PISD: variants seen among roughly 807,000 people sequenced by gnomAD.
PISD encodes the protein phosphatidylserine decarboxylase.
Under a neutral mutation model 43.5 loss-of-function variants are expected in PISD, and 31 were observed. The ratio of observed to expected loss-of-function variants is 0.71; its 90% CI spans 0.54 to 0.96. The LOEUF (loss-of-function observed/expected upper bound fraction) is 0.96. Among genes scored for constraint, PISD ranks in the 40% least tolerant of loss-of-function variants. The pLI, the probability that PISD is intolerant of heterozygous loss-of-function variation, is 0.00. For missense variants in PISD, 523 were observed against 548.4 expected (o/e 0.95, Z 0.46); for synonymous variants, 259 against 228.7 (o/e 1.13, Z -1.20).
chr22:31,631,683 G>T (rs1222119996), intron 3 of PISD, among the ~76,000 whole-genome samples: 1 of 152,204 alleles, frequency 6.6e-6, no homozygotes, highest in Admixed American at 6.5e-5. Flanking sequence ...AGCCCACATG[G>T]GATCAGACCA....
At chr22:31,625,462 C>T in intron 3 of PISD, 1 of 535,304 alleles carries the variant, frequency 1.9e-6, no homozygotes, top group South Asian at 2.2e-5. Flanking sequence ...AGGCAAGGGT[C>T]TGGGCTGCGA....
At chr22:31,660,729 CTTTA>C (rs1468916614) in intron 1 of PISD, among the ~76,000 whole-genome samples, 12 of 152,176 alleles carry the variant, frequency 7.9e-5, no homozygotes, top group South Asian at 4.1e-4. Flanking sequence ...TCGTGACACA[CTTTA>C]TTTATTTTTA....
chr22:31,619,606 G>A lies in PISD; in HGVS notation c.*6C>T, dbSNP rs981721985. 3 of 1,609,440 alleles carry A rather than the reference G, an allele frequency of 1.9e-6. No homozygotes were observed. Among genetic ancestry groups the A allele is most frequent in the African/African-American group, 2.7e-5 (2 of 74,784 alleles). ...TCCCTTAGCAGCCATAATCAGGAAA[G>A]AGACTCTAGAGCGAGCCCAGGGCTT... On this transcript the variant is annotated 3_prime_UTR_variant, in exon 8 of 8. Coordinates refer to ENST00000439502, the MANE Select transcript of PISD (RefSeq NM_001326411.2).
chr22:31,621,582 A>G (rs547853789), intron 4 of PISD, 67 bp downstream of exon 4: 46 of 1,596,290 alleles, frequency 2.9e-5, no homozygotes, highest in Non-Finnish European at 3.9e-5. Flanking sequence ...GCTGGAGACC[A>G]GGGGGGCTGT....
chr22:31,619,448 C>G lies in PISD; in HGVS notation c.*164G>C, dbSNP rs982074026. ...GGGCTCTCGCCACCTCTTGTCTGCA[C>G]CTCTGGAACAGGTGGTAGCCGAATC... On this transcript the variant is annotated 3_prime_UTR_variant, in exon 8 of 8. Transcript: ENST00000439502. The G allele has an allele frequency of 2.9e-6, 2 of 696,966 alleles. No homozygotes were observed. Among genetic ancestry groups the G allele is most frequent in the Non-Finnish European group, 5.2e-6 (2 of 381,156 alleles). 43.2% of individuals were successfully genotyped at this position (696,966 alleles called of 1,614,324 possible).
At chr22:31,655,373 T>C (rs13054196) in intron 1 of PISD, among the ~76,000 whole-genome samples, 2 of 151,528 alleles carry the variant, frequency 1.3e-5, no homozygotes, top group Non-Finnish European at 2.9e-5. Flanking sequence ...TCAAGTGCAG[T>C]GGCATGATCA....
At position 31,629,379 on chromosome 22, in the gene PISD, TGTGA is replaced by T. The variant is rs543845083; in HGVS notation, c.322-7498_322-7495del. ...AGGGTGTGTGTAGGGGGTGTGTAGGTGTGAGTGTGTTATGCGTATAGGTGGTGTG... is the reference window on the plus strand; with the variant it reads ...AGGGTGTGTGTAGGGGGTGTGTAGGTGTGTGTTATGCGTATAGGTGGTGTG... On this transcript the variant is annotated intron_variant, in intron 3 of 7. Coordinates refer to ENST00000439502, the MANE Select transcript of PISD (RefSeq NM_001326411.2). The T allele has an allele frequency of 2.5e-3, 437 of 178,290 alleles. 1 individual carries two copies. In the South Asian group the frequency reaches 0.031, roughly 12 times the overall value. The allele number at this position is 178,290 out of a possible 1,614,324, so 11.0% of individuals were successfully genotyped here. A position where few individuals can be genotyped will look rare whatever the true frequency, so the allele number is the denominator to read the frequency against.
chr22:31,625,935 T>C, intron 3 of PISD: 1 of 1,502,954 alleles, frequency 6.7e-7, no homozygotes, highest in Admixed American at 2.1e-5. Context: ...GGCCTCTGCC[T>C]CTGCGAGGCT....
intron 3 of PISD, chr22:31,623,992 C>T: frequency 1.4e-6 from 1 of 705,946 alleles, no homozygotes. Context: ...TGATGGAGCC[C>T]AGCAAGCACT....
At chr22:31,662,410 G>A (rs961449027), upstream of PISD, 5 of 588,230 alleles carry the variant, frequency 8.5e-6, no homozygotes, top group African/African-American at 3.7e-5. Flanking sequence ...TGTAGGTTTC[G>A]CTAAACCTGG....
chr22:31,645,819 T>C (rs2073869533), intron 3 of PISD, among the ~76,000 whole-genome samples: 1 of 147,524 alleles, frequency 6.8e-6, no homozygotes, highest in Admixed American at 6.8e-5. Context: ...ATTGCGCCAT[T>C]GCCTTCCAGC....
At chr22:31,640,187 G>A (rs2073648289) in intron 3 of PISD, among the ~76,000 whole-genome samples, 2 of 149,440 alleles carry the variant, frequency 1.3e-5, no homozygotes, top group South Asian at 2.1e-4. Flanking sequence ...TCCAGAACAC[G>A]ATTTCAAGCT....
At chr22:31,652,820 C>A (rs1317107162) in intron 1 of PISD, among the ~76,000 whole-genome samples, 2 of 151,782 alleles carry the variant, frequency 1.3e-5, no homozygotes, top group Admixed American at 6.6e-5. Flanking sequence ...GGGAGGATTG[C>A]TTGAGCCCAG....
intron 3 of PISD, chr22:31,628,752 C>T: frequency 2.3e-6 from 2 of 853,458 alleles, no homozygotes; most frequent in Non-Finnish European, 2.8e-6. Context: ...CCCCTTGAGG[C>T]TCAGAGCACA....
At chr22:31,642,878 G>C (rs188006434) in intron 3 of PISD, among the ~76,000 whole-genome samples, 1 of 150,900 alleles carries the variant, frequency 6.6e-6, no homozygotes, top group Non-Finnish European at 1.5e-5. Flanking sequence ...TGAGGCGGGC[G>C]GATCACCTGA....
rs1374910694 is a variant in PISD, at chr22:31,648,145, T to C, written c.277A>G (p.Lys93Glu). 1.2e-6 allele frequency: 2 copies of C among 1,612,234 alleles called. No homozygotes were observed. The highest frequency in any genetic ancestry group is 2.7e-5 in the African/African-American group (2 of 74,988). The change falls in exon 3 of 8, where the codon AAG (lysine) becomes GAG (glutamate). Residue 93 changes from lysine to glutamate, a missense_variant. Physicochemically the swap from Lys to Glu is moderately conservative, Grantham distance 56. Coordinates refer to ENST00000439502, the MANE Select transcript of PISD (RefSeq NM_001326411.2). Reference protein sequence around the residue: ...YEKYRERELEKLGLEIPPKLA... With the variant: ...YEKYRERELEELGLEIPPKLA... ...TTGGGTGGAATCTCCAATCCCAGCT[T>C]CTCCAGCTCTCGCTCCCTGTACTTC...
intron 3 of PISD, among the ~76,000 whole-genome samples, chr22:31,637,198 T>C (rs1283112238): frequency 5.6e-5 from 5 of 88,582 alleles, no homozygotes; most frequent in African/African-American, 1.9e-4. Flanking sequence ...TATATATATA[T>C]ATATATATAG....
chr22:31,657,533 A>AT, intron 1 of PISD, among the ~76,000 whole-genome samples: 1 of 147,172 alleles, frequency 6.8e-6, no homozygotes, highest in African/African-American at 2.5e-5. Context: ...TATTTTATAT[A>AT]TTTTTTTGAG....
At chr22:31,645,380 T>C (rs1466777210) in intron 3 of PISD, among the ~76,000 whole-genome samples, 1 of 151,652 alleles carries the variant, frequency 6.6e-6, no homozygotes, top group Non-Finnish European at 1.5e-5. Context: ...ACTCCAGCCC[T>C]AGGTGACAGA....
Sources: gnomAD v4.1 joint callset for allele counts (sites outside exome capture counted in the v4.1 genomes callset) on GRCh38, gnomAD v4.1.1 for gene constraint, MANE v1.5 for transcripts, NCBI Gene and HGNC (gene_info 2026-07-23, HGNC 2026-07-21) for gene names.